The following CHLSN variants were observed in gnomAD, a reference collection of about 807,000 sequenced individuals.
CHLSN encodes the protein cholesin, also known as protein cholesin.
At chr7:986,470 T>G in the CHLSN span, 2 of 838,410 alleles carry the variant, frequency 2.4e-6, no homozygotes, top group South Asian at 1.7e-5. Context: ...GGTCCTCCCT[T>G]GAGGGCTAAG....
chr7:1,106,618 T>A, the CHLSN span, among the ~76,000 whole-genome samples: 1 of 152,082 alleles, frequency 6.6e-6, no homozygotes, highest in African/African-American at 2.4e-5. Flanking sequence ...TGCAGCCTGG[T>A]GAGGGTGACG....
chr7:1,098,027 G>A, the CHLSN span, among the ~76,000 whole-genome samples: 4 of 152,284 alleles, frequency 2.6e-5, no homozygotes, highest in Admixed American at 6.5e-5. Context: ...AAAGAGCGTC[G>A]TGAAGGATTT....
At chr7:1,016,600 AGCG>A in the CHLSN span, among the ~76,000 whole-genome samples, 1 of 65,994 alleles carries the variant, frequency 1.5e-5, no homozygotes, top group African/African-American at 9.6e-5. Context: ...ACCACACAGC[AGCG>A]TACAGCAGCG....
At chr7:1,018,949 G>A in the CHLSN span, among the ~76,000 whole-genome samples, 4 of 152,228 alleles carry the variant, frequency 2.6e-5, no homozygotes, top group East Asian at 3.9e-4. Context: ...GGAGTGGTCC[G>A]GGCGTGGTGG....
At chr7:1,044,772 G>C in the CHLSN span, 1 of 152,106 alleles carries the variant, frequency 6.6e-6, no homozygotes, top group Non-Finnish European at 1.5e-5. Flanking sequence ...TGCGCTTACT[G>C]GGACCCGGGT....
At chr7:1,099,528 A>G in the CHLSN span, among the ~76,000 whole-genome samples, 4 of 152,264 alleles carry the variant, frequency 2.6e-5, no homozygotes, top group Non-Finnish European at 5.9e-5. Flanking sequence ...TGGTAAGTCG[A>G]GCTTTACTTT....
At chr7:1,064,136 A>G in the CHLSN span, among the ~76,000 whole-genome samples, 1 of 152,194 alleles carries the variant, frequency 6.6e-6, no homozygotes, top group African/African-American at 2.4e-5. Context: ...ATATGCAAGC[A>G]CGCATGCACA....
the CHLSN span, chr7:1,026,350 C>T: frequency 6.6e-6 from 1 of 152,238 alleles, no homozygotes; most frequent in Admixed American, 6.5e-5. Context: ...CAACAGCTGT[C>T]CCGGGAGGCA....
the CHLSN span, among the ~76,000 whole-genome samples, chr7:1,033,347 C>T: frequency 4.6e-5 from 7 of 152,056 alleles, no homozygotes; most frequent in South Asian, 2.1e-4. Context: ...CACCTGAGGT[C>T]GGGAGTTCAA....
chr7:1,118,844 T>C, the CHLSN span, among the ~76,000 whole-genome samples: 2 of 139,870 alleles, frequency 1.4e-5, no homozygotes, highest in Non-Finnish European at 3.1e-5. Context: ...CTTTGCTAGA[T>C]ATTAAAGCAT....
chr7:996,215 C>A, the CHLSN span, among the ~76,000 whole-genome samples: 2 of 152,160 alleles, frequency 1.3e-5, no homozygotes, highest in Admixed American at 6.5e-5. Context: ...GCCCTCCCCA[C>A]AACAACAGCC....
the CHLSN span, chr7:1,137,667 G>C: frequency 1.3e-5 from 2 of 152,260 alleles, no homozygotes; most frequent in South Asian, 4.1e-4. Flanking sequence ...AATTATCCGG[G>C]TGTGGTGGCG....
At chr7:1,058,562 G>A in the CHLSN span, 4 of 739,208 alleles carry the variant, frequency 5.4e-6, no homozygotes, top group South Asian at 2.9e-5. Context: ...TGGACGCAGA[G>A]CACTTAGTTA....
the CHLSN span, chr7:988,711 C>T: frequency 6.3e-7 from 1 of 1,599,684 alleles, no homozygotes; most frequent in Non-Finnish European, 8.5e-7. Flanking sequence ...TGCAGAGGTA[C>T]CGCCTGCTGC....
chr7:1,066,018 C>T, the CHLSN span, among the ~76,000 whole-genome samples: 17,474 of 152,292 alleles, frequency 0.11, 1,233 homozygotes, highest in Middle Eastern at 0.26. Flanking sequence ...AGCGCCTGGA[C>T]CAGAGGGAGC....
At chr7:1,135,951 A>C in the CHLSN span, among the ~76,000 whole-genome samples, 1 of 104,396 alleles carries the variant, frequency 9.6e-6, no homozygotes, top group East Asian at 2.4e-4. Context: ...ATATATAAAT[A>C]TATATAAATA....
At chr7:1,014,426 C>T in the CHLSN span, among the ~76,000 whole-genome samples, 93 of 152,374 alleles carry the variant, frequency 6.1e-4, no homozygotes, top group African/African-American at 2.0e-3. Context: ...AGCTCCTTTC[C>T]GCCCACCCCA....
chr7:1,014,268 G>C, the CHLSN span, among the ~76,000 whole-genome samples: 3 of 152,278 alleles, frequency 2.0e-5, no homozygotes, highest in Non-Finnish European at 4.4e-5. Flanking sequence ...TTACAGAGAA[G>C]CTGACACTGT....
the CHLSN span, chr7:1,093,166 T>C: frequency 3.5e-6 from 2 of 570,746 alleles, no homozygotes; most frequent in Non-Finnish European, 6.8e-6. Flanking sequence ...CCGCTGCACC[T>C]GCCTGCCGCT....
Sources: gnomAD v4.1 joint callset for allele counts (sites outside exome capture counted in the v4.1 genomes callset) on GRCh38, gnomAD v4.1.1 for gene constraint, MANE v1.5 for transcripts, NCBI Gene and HGNC (gene_info 2026-07-23, HGNC 2026-07-21) for gene names.